Variants in MAGI2 observed in about 807,000 individuals in gnomAD.
MAGI2 encodes membrane-associated guanylate kinase, WW and PDZ domain-containing protein 2.
MAGI2 carries 35 observed loss-of-function variants against 133.3 expected under a neutral mutation model. The observed-to-expected ratio is 0.26, with a 90% CI of 0.20 to 0.35. The LOEUF (loss-of-function observed/expected upper bound fraction) is 0.35, where lower values mean the gene tolerates loss of function less well. Among genes scored for constraint, MAGI2 ranks in the 10% least tolerant of loss-of-function variants. The pLI, the probability that MAGI2 is intolerant of heterozygous loss-of-function variation, is 1.00. For synonymous variants in MAGI2, 729 were observed against 710.6 expected, an observed-to-expected ratio of 1.03 and a Z score of -0.41; for missense variants, 1,636 against 1,863.4, an observed-to-expected ratio of 0.88 and a Z score of 2.25.
intron 16 of MAGI2, among the ~76,000 whole-genome samples, chr7:78,151,955 G>A (rs1823915880): frequency 6.6e-6 from 1 of 151,922 alleles, no homozygotes; most frequent in African/African-American, 2.4e-5. Flanking sequence ...GAAAATCCTT[G>A]AAAAAAACCT....
chr7:79,453,317 A>G lies in MAGI2; in HGVS notation c.4T>C (p.Ser2Pro). 1 of 1,607,798 alleles carries G rather than the reference A, an allele frequency of 6.2e-7. No homozygotes were observed. Among genetic ancestry groups the G allele is most frequent in the Non-Finnish European group, 8.5e-7 (1 of 1,176,286 alleles). The change falls in exon 1 of 22, where the codon TCC becomes CCC. Residue 2 changes from serine (S) to proline (P), a missense_variant. By Grantham distance (74) the Ser-to-Pro change is moderately conservative (BLOSUM62 -1). Around this residue, in one of 5 missense-constraint regions of MAGI2, gnomAD observed 148 missense variants for 239.0 expected, o/e 0.62. Transcript: ENST00000354212. M[S>P]KSLKKKSHWT... ...TGGCTTTTCTTTTTCAAGCTTTTGG[A>G]CATGGCAGTGGGGCGAGTCGCCTCA...
intron 2 of MAGI2, chr7:79,006,749 T>C (rs989463526): frequency 3.9e-5 from 7 of 180,796 alleles, no homozygotes; most frequent in South Asian, 1.9e-4. Context: ...TAAATTTGCA[T>C]TCTCCTGTCT....
At chr7:78,438,448 G>A (rs1290302187) in intron 6 of MAGI2, among the ~76,000 whole-genome samples, 1 of 152,152 alleles carries the variant, frequency 6.6e-6, no homozygotes, top group East Asian at 1.9e-4. Flanking sequence ...CCCTGGCTAA[G>A]TCACAATGTC....
intron 14 of MAGI2, among the ~76,000 whole-genome samples, chr7:78,176,533 G>T (rs1161387109): frequency 4.6e-5 from 7 of 152,060 alleles, no homozygotes; most frequent in Non-Finnish European, 7.4e-5. Flanking sequence ...GGTTCCCATT[G>T]GTTGCTTGAA....
intron 21 of MAGI2, among the ~76,000 whole-genome samples, chr7:78,065,119 AT>A (rs1042111951): frequency 6.6e-6 from 1 of 152,124 alleles, no homozygotes; most frequent in Non-Finnish European, 1.5e-5. Context: ...GGAAATACCC[AT>A]GATGCCAGGT....
At chr7:79,302,908 C>T (rs1409714306) in intron 1 of MAGI2, among the ~76,000 whole-genome samples, 1 of 152,200 alleles carries the variant, frequency 6.6e-6, no homozygotes, top group Admixed American at 6.5e-5. Context: ...CTATAGCACA[C>T]ACTTGATAAA....
At chr7:79,003,044 A>AGG (rs1346509026) in intron 2 of MAGI2, among the ~76,000 whole-genome samples, 1 of 151,908 alleles carries the variant, frequency 6.6e-6, no homozygotes, top group Non-Finnish European at 1.5e-5. Context: ...TTTGTAGTTA[A>AGG]GGGTCAGTGG....
At chr7:79,435,062 C>G (rs1848045426) in intron 1 of MAGI2, among the ~76,000 whole-genome samples, 1 of 152,196 alleles carries the variant, frequency 6.6e-6, no homozygotes, top group African/African-American at 2.4e-5. Flanking sequence ...AACATAACAT[C>G]AGTGTTCCTG....
chr7:78,192,777 C>A (rs1828361559), intron 12 of MAGI2, among the ~76,000 whole-genome samples: 1 of 152,054 alleles, frequency 6.6e-6, no homozygotes, highest in South Asian at 2.1e-4. Context: ...ATTTTTGACC[C>A]TGAAAACATT....
chr7:79,115,861 T>TA (rs1819355358), intron 1 of MAGI2, among the ~76,000 whole-genome samples: 1 of 145,130 alleles, frequency 6.9e-6, no homozygotes, highest in African/African-American at 2.7e-5. Flanking sequence ...AAAGTTTTTT[T>TA]TTTTTTTTTT....
chr7:78,997,750 T>A (rs961157768), intron 2 of MAGI2, among the ~76,000 whole-genome samples: 1 of 152,174 alleles, frequency 6.6e-6, no homozygotes, highest in African/African-American at 2.4e-5. Context: ...CTAAAGTCCT[T>A]GATTACACTA....
intron 2 of MAGI2, among the ~76,000 whole-genome samples, chr7:78,731,680 C>T (rs1445879353): frequency 9.2e-5 from 14 of 152,088 alleles, no homozygotes. Flanking sequence ...TAATGAAATA[C>T]AAAAATCTTC....
intron 1 of MAGI2, among the ~76,000 whole-genome samples, chr7:79,418,349 A>G (rs894058540): frequency 3.3e-5 from 5 of 152,096 alleles, no homozygotes; most frequent in African/African-American, 1.2e-4. Flanking sequence ...CTAAAACTGG[A>G]GACAAACTAA....
At chr7:79,011,707 A>G (rs1808113948) in intron 1 of MAGI2, among the ~76,000 whole-genome samples, 1 of 152,190 alleles carries the variant, frequency 6.6e-6, no homozygotes, top group South Asian at 2.1e-4. Flanking sequence ...TGCTTCAGTC[A>G]AAGCAAACTA....
chr7:79,104,979 G>C (rs867306751), intron 1 of MAGI2, among the ~76,000 whole-genome samples: 7 of 152,230 alleles, frequency 4.6e-5, no homozygotes, highest in Middle Eastern at 3.4e-3. Context: ...TCATTCATTG[G>C]TGAACTTCTT....
At chr7:78,722,313 T>C (rs1446458384) in intron 2 of MAGI2, among the ~76,000 whole-genome samples, 1 of 151,960 alleles carries the variant, frequency 6.6e-6, no homozygotes, top group Non-Finnish European at 1.5e-5. Flanking sequence ...TATCTAATCA[T>C]GACACTCTCA....
chr7:78,832,497 A>G (rs1791266208), intron 2 of MAGI2, among the ~76,000 whole-genome samples: 2 of 152,164 alleles, frequency 1.3e-5, no homozygotes, highest in African/African-American at 2.4e-5. Context: ...TTAGGGGGCC[A>G]TCTTTCATTT....
At chr7:79,406,029 T>C (rs912120257) in intron 1 of MAGI2, among the ~76,000 whole-genome samples, 3 of 151,826 alleles carry the variant, frequency 2.0e-5, no homozygotes, top group African/African-American at 2.4e-5. Context: ...CTCAGTCTTA[T>C]GCATTTGACT....
At chr7:78,272,259 G>A (rs189091346) in intron 9 of MAGI2, among the ~76,000 whole-genome samples, 1 of 152,194 alleles carries the variant, frequency 6.6e-6, no homozygotes, top group Non-Finnish European at 1.5e-5. Context: ...GGTTTTGAAT[G>A]AGTTTCTTAA....
Sources: allele counts gnomAD v4.1 joint callset (sites outside exome capture counted in the v4.1 genomes callset), GRCh38; gene constraint gnomAD v4.1.1; regional missense constraint gnomAD v4.1.1; transcripts MANE v1.5; gene names NCBI Gene and HGNC (gene_info 2026-07-23, HGNC 2026-07-21).